Variants in MUC5B observed in about 807,000 individuals in gnomAD.
MUC5B encodes mucin 5B, oligomeric mucus/gel-forming, also known as mucin-5B.
A neutral mutation model predicts 376.9 loss-of-function variants in MUC5B; 116 were observed. That is an observed-to-expected ratio of 0.31 (90% CI 0.26 to 0.36). The LOEUF (loss-of-function observed/expected upper bound fraction) is 0.36, where lower values mean the gene tolerates loss of function less well. MUC5B is among the 10% of genes least tolerant of loss of function. The probability of loss-of-function intolerance (pLI) is 1.00; values close to 1 mark genes in which losing one functional copy is unlikely to be tolerated. For missense variants in MUC5B, 7,165 were observed against 7,769.9 expected, an observed-to-expected ratio of 0.92 and a Z score of 2.93; for synonymous variants, 3,517 against 3,390.9, an observed-to-expected ratio of 1.04 and a Z score of -1.29.
chr11:1,228,838 T>G (rs1476601432), intron 8 of MUC5B, 73 bp downstream of exon 8: 487 of 418,984 alleles, frequency 1.2e-3, no homozygotes, highest in South Asian at 6.0e-3. Context: ...TGGGGGCCAC[T>G]GGGGGTGGGG....
rs376672533 is a variant in MUC5B, at chr11:1,247,762, C to T, written c.10882C>T (p.Arg3628Trp). Reference sequence around the variant, plus strand: ...CCAGGCCCAGCCTGGTGTCCCCCTGCGGGAGTTGGGCCAGGTCGTGGAATG... The same window carrying T: ...CCAGGCCCAGCCTGGTGTCCCCCTGTGGGAGTTGGGCCAGGTCGTGGAATG... ...RAQAQPGVPL[R>W]ELGQVVECSL... The change falls in exon 31 of 49, where the codon CGG becomes TGG. Residue 3628 changes from arginine (R) to tryptophan (W), a missense_variant. Around this residue, in one of 31 missense-constraint regions of MUC5B, gnomAD observed 81 missense variants for 154.5 expected, o/e 0.52. Coordinates refer to ENST00000529681, the MANE Select transcript of MUC5B (RefSeq NM_002458.3). 159 of 1,606,818 alleles carry T rather than the reference C, an allele frequency of 9.9e-5. 3 individuals carry two copies. Among genetic ancestry groups the T allele is most frequent in the South Asian group, 1.7e-4 (15 of 90,796 alleles).
Position 1,250,583 on chromosome 11 carries a change from C to T in MUC5B, c.13703C>T (p.Thr4568Met), listed in dbSNP as rs200570748. The T allele has an allele frequency of 1.2e-4, 193 of 1,613,788 alleles. No homozygotes were observed. Among genetic ancestry groups the T allele is most frequent in the Middle Eastern group, 6.6e-4 (4 of 6,060 alleles). Residue 4568 changes from threonine (T) to methionine (M), a missense_variant, in exon 31 of 49, where the codon ACG becomes ATG. Around this residue, in one of 31 missense-constraint regions of MUC5B, gnomAD observed 730 missense variants for 592.7 expected, o/e 1.23. Transcript: ENST00000529681. The part of the protein sequence containing the change: ...TVHTSTVLTA[T>M]ATTTGATGSV... ...CACACCTCCACAGTGCTTACCGCCA[C>T]GGCCACCACAACCGGGGCCACCGGC...
Position 1,234,289 on chromosome 11 carries a change from C to A in MUC5B, c.2462C>A (p.Thr821Lys). 1.2e-6 allele frequency: 2 copies of A among 1,602,350 alleles called. No individual in the cohort carries two copies. Among genetic ancestry groups the A allele is most frequent in the Non-Finnish European group, 1.7e-6 (2 of 1,175,154 alleles). ...GCCGAGTGCCTCCGGAGCTGCCACA[C>A]GCTGGACGTGGGCTGTGTGAGTTCC... is the stretch of plus-strand genomic sequence containing the variant. ...PGAECLRSCHTLDVGCFSTHC... is the reference protein window; with the variant it reads ...PGAECLRSCHKLDVGCFSTHC... The change falls in exon 20 of 49, where the codon ACG becomes AAG. Residue 821 changes from threonine to lysine, a missense_variant. Around this residue, in one of 31 missense-constraint regions of MUC5B, gnomAD observed 530 missense variants for 604.0 expected, o/e 0.88. Transcript: ENST00000529681. This position sits in a 1 kb window ranked among gnomAD's most constrained non-coding sequence, Gnocchi z 6.3.
intron 34 of MUC5B, among the ~76,000 whole-genome samples, 161 bp from the exon 35 acceptor site, chr11:1,254,533 G>A (rs1173261843): frequency 6.6e-6 from 1 of 152,210 alleles, no homozygotes; most frequent in Non-Finnish European, 1.5e-5. Flanking sequence ...CCTAAATGCA[G>A]CCAGCTGGAG....
chr11:1,227,320 C>T lies in MUC5B; in HGVS notation c.589C>T (p.Pro197Ser), dbSNP rs879616562. 2 of 1,612,666 alleles carry T rather than the reference C, an allele frequency of 1.2e-6. No individual in the cohort carries two copies. The highest frequency in any genetic ancestry group is 1.3e-5 in the African/African-American group (1 of 75,060). Residue 197 changes from proline (P) to serine (S), a missense_variant, in exon 6 of 49, where the codon CCC (proline) becomes TCC (serine). By Grantham distance (74) the Pro-to-Ser change is moderately conservative. This residue lies in a region of MUC5B where 640 missense variants were observed against 733.0 expected (regional missense o/e 0.87). Coordinates refer to ENST00000529681, the MANE Select transcript of MUC5B (RefSeq NM_002458.3). ...GEDSALLELD[P>S]KYANQTCGLC... ...TCCCCACTCTCAGCTGGAGCTGGAT[C>T]CCAAATACGCCAACCAGACCTGTGG...
At position 1,258,180 on chromosome 11, in the gene MUC5B, A is replaced by G; in HGVS notation, c.16532A>G (p.Asp5511Gly). 6.3e-7 allele frequency: 1 copy of G among 1,599,006 alleles called. No individual in the cohort carries two copies. Among genetic ancestry groups the G allele is most frequent in the Non-Finnish European group, 8.5e-7 (1 of 1,174,544 alleles). The change falls in exon 42 of 49, where the codon GAC (aspartate) becomes GGC (glycine). Residue 5511 changes from aspartate to glycine, a missense_variant. Physicochemically the swap from Asp to Gly is moderately conservative, Grantham distance 94. Around this residue, in one of 31 missense-constraint regions of MUC5B, gnomAD observed 842 missense variants for 1,016.9 expected, o/e 0.83. Transcript: ENST00000529681. The surrounding 1 kb of genome is among the most constrained non-coding windows in gnomAD (Gnocchi z 5.5). ...QESICTQEEG[D>G]CCPTFRCRPQ... The stretch of plus-strand genomic sequence containing the variant: ...TCCATCTGCACCCAGGAGGAGGGCG[A>G]CTGCTGTCCCACCTTCCGCTGCAGT...
At chr11:1,224,493 G>C (rs1237033547) in intron 1 of MUC5B, among the ~76,000 whole-genome samples, 1 of 148,250 alleles carries the variant, frequency 6.7e-6, no homozygotes, top group Non-Finnish European at 1.5e-5. Flanking sequence ...CCTGGGTTGG[G>C]GAGGGGCTGT....
intron 1 of MUC5B, among the ~76,000 whole-genome samples, chr11:1,224,826 C>A (rs1028387109): frequency 6.6e-6 from 1 of 152,122 alleles, no homozygotes; most frequent in Non-Finnish European, 1.5e-5. Flanking sequence ...ACCACAGGGC[C>A]GGCCCCTCGC....
At chr11:1,261,316 A>G in intron 48 of MUC5B, 73 bp from the exon 49 acceptor site, 1 of 1,369,624 alleles carries the variant, frequency 7.3e-7, no homozygotes, top group South Asian at 1.3e-5. Flanking sequence ...CCAGAGGCCC[A>G]TGTGTCACCA....
rs563665793 is a variant in MUC5B at position 1,229,551 on chromosome 11, G to A, written c.1103-139G>A. On this transcript the variant is annotated intron_variant, in intron 9 of 48. Coordinates refer to ENST00000529681, the MANE Select transcript of MUC5B (RefSeq NM_002458.3). ...AGAGGTGCTTGGTGTTCATCCAAGC[G>A]AGTGCAGCTCAGGGCGGGGGCGGTG... 2,214 of 832,800 alleles carry A rather than the reference G, an allele frequency of 2.7e-3. 7 individuals are homozygous for A. The highest frequency in any genetic ancestry group is 8.9e-3 in the Middle Eastern group (25 of 2,798). The allele number at this position is 832,800 out of a possible 1,614,324, so 51.6% of individuals were successfully genotyped here.
chr11:1,252,940 G>A lies in MUC5B; in HGVS notation c.15177G>A (p.Ser5059=), dbSNP rs374612393. The A allele has an allele frequency of 3.9e-5, 63 of 1,612,656 alleles. No individual in the cohort carries two copies. The African/African-American group carries it at 4.8e-4, about 12-fold the overall frequency. ...CVNKHLPIKV[S]DPSQPCDFHY... The stretch of plus-strand genomic sequence containing the variant: ...ACAAGCACCTGCCCATCAAAGTGTC[G>A]GACCCGAGCCAGCCCTGTGACTTCC... The change falls in exon 33 of 49, where the codon TCG becomes TCA. Residue 5059 remains serine (S), a synonymous_variant. Coordinates refer to ENST00000529681, the MANE Select transcript of MUC5B (RefSeq NM_002458.3).
Position 1,242,221 on chromosome 11 carries a change from A to T in MUC5B, c.5341A>T (p.Thr1781Ser), listed in dbSNP as rs375023168. 1 of 1,613,628 alleles carries T rather than the reference A, an allele frequency of 6.2e-7. No homozygotes were observed. The highest frequency in any genetic ancestry group is 8.5e-7 in the Non-Finnish European group (1 of 1,179,878). ...GACTAACACCACCACCAGCCAGGGC[A>T]CGACCCGCTGTCAACCGAAGTGTGA... The part of the protein sequence containing the change: ...PLTNTTTSQG[T>S]TRCQPKCEWT... The change falls in exon 31 of 49, where the codon ACG becomes TCG. Residue 1781 changes from threonine to serine, a missense_variant. Physicochemically the swap from Thr to Ser is moderately conservative, Grantham distance 58. Transcript: ENST00000529681.
rs1862112616 is a variant in MUC5B at position 1,234,554 on chromosome 11, G to A, written c.2504G>A (p.Cys835Tyr). The A allele has an allele frequency of 1.3e-6, 2 of 1,582,912 alleles. No individual in the cohort carries two copies. The highest frequency in any genetic ancestry group is 8.6e-7 in the Non-Finnish European group (1 of 1,165,396). The change falls in exon 21 of 49, where the codon TGT becomes TAT. Residue 835 changes from cysteine (C) to tyrosine (Y), a missense_variant. Coordinates refer to ENST00000529681, the MANE Select transcript of MUC5B (RefSeq NM_002458.3). This position sits in a 1 kb window ranked among gnomAD's most constrained non-coding sequence, Gnocchi z 6.3. ...GCFSTHCVSG[C>Y]VCPPGLVSDG... is the part of the protein sequence containing the mutation. ...TTCAGCACACACTGCGTGTCCGGCT[G>A]TGTCTGTCCCCCGGGGCTGGTGTCG... is the stretch of plus-strand genomic sequence containing the variant.
In MUC5B at chr11:1,242,746, T is replaced by A. The variant is rs1399541370; in HGVS notation, c.5866T>A (p.Ser1956Thr). ...PTVTSSKATP[S>T]SSPGTATALP... The stretch of plus-strand genomic sequence containing the variant: ...AGTCACCAGCTCCAAAGCCACTCCC[T>A]CCTCCAGTCCAGGGACTGCAACCGC... Residue 1956 changes from serine (S) to threonine (T), a missense_variant, in exon 31 of 49, where the codon TCC becomes ACC. This residue lies in a region of MUC5B where 897 missense variants were observed against 779.6 expected (regional missense o/e 1.15). Coordinates refer to ENST00000529681, the MANE Select transcript of MUC5B (RefSeq NM_002458.3). 1 of 1,612,396 alleles carries A rather than the reference T, an allele frequency of 6.2e-7. No individual in the cohort carries two copies. Among genetic ancestry groups the A allele is most frequent in the African/African-American group, 1.3e-5 (1 of 74,486 alleles).
In MUC5B at chr11:1,257,410, C is replaced by T; in HGVS notation, c.16270-120C>T. 8.1e-7 allele frequency: 1 copy of T among 1,232,288 alleles called. No homozygotes were observed. 76.3% of individuals were successfully genotyped at this position (1,232,288 alleles called of 1,614,324 possible). On this transcript the variant is annotated intron_variant, in intron 40 of 48. Coordinates refer to ENST00000529681, the MANE Select transcript of MUC5B (RefSeq NM_002458.3). This position sits in a 1 kb window ranked among gnomAD's most constrained non-coding sequence, Gnocchi z 8.9. ...ACGTGCCAGTGGCTGGTGTGCGCTT[C>T]CTGCCCCATCACTCTGGGCCACTCG... is the stretch of plus-strand genomic sequence containing the variant.
rs958898628 is a variant in MUC5B at position 1,228,866 on chromosome 11, G to A, written c.976+101G>A. ...GGGTGGGGAGGCCTGGGGGACAGGG[G>A]TGGAGGGCAGAGGACCCACCCCAGG... On this transcript the variant is annotated intron_variant, in intron 8 of 48. Coordinates refer to ENST00000529681, the MANE Select transcript of MUC5B (RefSeq NM_002458.3). 8.8e-6 allele frequency: 10 copies of A among 1,134,002 alleles called. No homozygotes were observed. The African/African-American group carries it at 9.4e-5, about 11-fold the overall frequency. The allele number at this position is 1,134,002 out of a possible 1,614,324, so 70.2% of individuals were successfully genotyped here. A position where few individuals can be genotyped will look rare whatever the true frequency, so the allele number is the denominator to read the frequency against.
chr11:1,235,464 G>A (rs769139011), intron 23 of MUC5B, 51 bp downstream of exon 23: 60 of 1,495,952 alleles, frequency 4.0e-5, no homozygotes, highest in South Asian at 3.4e-4. Context: ...CCAACGAGCC[G>A]GCCCCCAGGG....
rs375281121 is a variant in MUC5B, at chr11:1,260,330, C to G, written c.16924-21C>G. On this transcript the variant is annotated intron_variant, in intron 46 of 48. Transcript: ENST00000529681. Reference sequence around the variant, plus strand: ...GGAGGCCCCGCCCACAGCCCTGCCCCCTGTCTTTGGCCCCCACCAGGGGAG... The same window carrying G: ...GGAGGCCCCGCCCACAGCCCTGCCCGCTGTCTTTGGCCCCCACCAGGGGAG... 3.7e-6 allele frequency: 6 copies of G among 1,611,888 alleles called. No individual in the cohort carries two copies. The East Asian group carries it at 1.1e-4, about 30-fold the overall frequency.
Position 1,241,147 on chromosome 11 carries a change from C to T in MUC5B, c.4267C>T (p.Arg1423Trp), listed in dbSNP as rs773760344. The T allele has an allele frequency of 2.5e-6, 4 of 1,608,368 alleles. No individual in the cohort carries two copies. Among genetic ancestry groups the T allele is most frequent in the Non-Finnish European group, 2.5e-6 (3 of 1,177,626 alleles). The change falls in exon 31 of 49, where the codon CGG becomes TGG. Residue 1423 changes from arginine (R) to tryptophan (W), a missense_variant. Transcript: ENST00000529681. ...CCCGCTCTGTCACGACTACGAGCTG[C>T]GGGTTCTCTGCTGCGAATACGTGCC... The part of the protein sequence containing the change: ...SPPLCHDYEL[R>W]VLCCEYVPCG...
Sources: allele counts gnomAD v4.1 joint callset (sites outside exome capture counted in the v4.1 genomes callset), GRCh38; gene constraint gnomAD v4.1.1; regional missense constraint gnomAD v4.1.1; non-coding constraint Gnocchi (gnomAD v3.1); transcripts MANE v1.5; gene names NCBI Gene and HGNC (gene_info 2026-07-23, HGNC 2026-07-21).